ATXN7: variants seen among roughly 807,000 people sequenced by gnomAD.
ATXN7 encodes the protein ataxin 7, also known as ataxin-7.
Under a neutral mutation model 70.5 loss-of-function variants are expected in ATXN7, and 12 were observed. The ratio of observed to expected loss-of-function variants is 0.17; its 90% CI spans 0.11 to 0.28. The LOEUF is 0.28. Among genes scored for constraint, ATXN7 ranks in the 10% least tolerant of loss-of-function variants. The pLI is 1.00. For missense variants in ATXN7, 1,256 were observed against 1,131.7 expected (o/e 1.11, Z -1.58); for synonymous variants, 498 against 448.7 (o/e 1.11, Z -1.39).
chr3:63,990,821 C>T lies in ATXN7; in HGVS notation c.1644C>T (p.Asn548=). The T allele has an allele frequency of 6.2e-7, 1 of 1,614,234 alleles. No homozygotes were observed. Among genetic ancestry groups the T allele is most frequent in the Non-Finnish European group, 8.5e-7 (1 of 1,180,040 alleles). The change falls in exon 11 of 13, where the codon AAC becomes AAT. Residue 548 remains asparagine, a synonymous_variant. Coordinates refer to ENST00000674280, the MANE Select transcript of ATXN7 (RefSeq NM_001377405.1). ...GGAATCGACTTCGCTGCGCCCTCAA[C>T]CTCATGGTGGAGAAGCATCTGAATG... ...SRWNRLRCAL[N]LMVEKHLNAQ... is the part of the protein sequence containing the mutation.
At position 63,913,243 on chromosome 3, in the gene ATXN7, G is replaced by A. The variant is rs554046116; in HGVS notation, c.394+18G>A. 1.9e-6 allele frequency: 3 copies of A among 1,611,730 alleles called. No homozygotes were observed. The highest frequency in any genetic ancestry group is 1.1e-5 in the South Asian group (1 of 90,998). ...TCGGGAAGGTGAGTCCAGCCCCCCT[G>A]ATGGAGTTTGTACAAACCCCTGGGA... On this transcript the variant is annotated intron_variant, in intron 4 of 12. Transcript: ENST00000674280.
At chr3:63,914,215 A>T (rs868816045) in intron 4 of ATXN7, among the ~76,000 whole-genome samples, 1 of 152,320 alleles carries the variant, frequency 6.6e-6, no homozygotes, top group Middle Eastern at 3.4e-3. Flanking sequence ...GAACATTTTT[A>T]AGTCCAAAGT....
intron 1 of ATXN7, chr3:63,867,054 GC>G (rs1282576833): frequency 1.3e-5 from 2 of 151,748 alleles, no homozygotes; most frequent in African/African-American, 4.8e-5. Context: ...TTATGAGAGA[GC>G]TAGCTATATA....
Position 63,996,077 on chromosome 3 carries a change from C to T in ATXN7, c.2255C>T (p.Ser752Phe). The change falls in exon 12 of 13, where the codon TCT becomes TTT. Residue 752 changes from serine (S) to phenylalanine (F), a missense_variant. Ser to Phe is a radical substitution (Grantham distance 155, BLOSUM62 -2). Coordinates refer to ENST00000674280, the MANE Select transcript of ATXN7 (RefSeq NM_001377405.1). The part of the protein sequence containing the change: ...SGPPYPSTVT[S>F]SHSIGLNCVT... ...CCTCCCTACCCCTCAACGGTAACAT[C>T]TTCCCATAGCATCGGCCTCAACTGT... 6.2e-7 allele frequency: 1 copy of T among 1,614,238 alleles called. No homozygotes were observed. The highest frequency in any genetic ancestry group is 8.5e-7 in the Non-Finnish European group (1 of 1,180,050).
At chr3:63,921,783 G>A (rs1704520896) in intron 4 of ATXN7, among the ~76,000 whole-genome samples, 2 of 152,230 alleles carry the variant, frequency 1.3e-5, no homozygotes, top group East Asian at 1.9e-4. Flanking sequence ...ACTTGACTCA[G>A]GTATAAAATG....
intron 1 of ATXN7, among the ~76,000 whole-genome samples, chr3:63,884,245 TCTCA>T (rs1703009623): frequency 1.5e-5 from 2 of 134,688 alleles, no homozygotes; most frequent in Non-Finnish European, 3.2e-5. Flanking sequence ...ACACACATAC[TCTCA>T]CACACACACA....
intron 5 of ATXN7, among the ~76,000 whole-genome samples, chr3:63,954,720 T>G (rs998551297): frequency 6.7e-6 from 1 of 149,250 alleles, no homozygotes; most frequent in East Asian, 1.9e-4. Context: ...TGTTTTTTTT[T>G]TTTTTTGAGA....
At position 63,915,994 on chromosome 3, in the gene ATXN7, C is replaced by T. The variant is rs560148902; in HGVS notation, c.394+2769C>T. Among the ~76,000 whole-genome samples, 185 of 152,254 alleles carry T rather than the reference C, an allele frequency of 1.2e-3. 1 individual carries two copies. Among genetic ancestry groups the T allele is most frequent in the Middle Eastern group, 0.01 (3 of 294 alleles). ...GAACCACCACCCCCGCCAGAAACTC[C>T]TCATCTTGAAATATCTCTAGGAATA... On this transcript the variant is annotated intron_variant, in intron 4 of 12. Coordinates refer to ENST00000674280, the MANE Select transcript of ATXN7 (RefSeq NM_001377405.1).
At chr3:63,909,328 G>C (rs982943541) in intron 2 of ATXN7, among the ~76,000 whole-genome samples, 3 of 152,188 alleles carry the variant, frequency 2.0e-5, no homozygotes, top group Admixed American at 6.5e-5. Flanking sequence ...CACTTTTGGA[G>C]GCCAAGGCAG....
chr3:63,923,183 C>T (rs555834587), intron 4 of ATXN7, among the ~76,000 whole-genome samples: 1 of 152,168 alleles, frequency 6.6e-6, no homozygotes, highest in African/African-American at 2.4e-5. Flanking sequence ...TTCTCTGGGC[C>T]TCATGCTAGG....
At chr3:63,956,580 T>C (rs2075042399) in intron 5 of ATXN7, among the ~76,000 whole-genome samples, 1 of 152,106 alleles carries the variant, frequency 6.6e-6, no homozygotes, top group African/African-American at 2.4e-5. Flanking sequence ...CTCCAGATGC[T>C]CTGAGTGGGA....
intron 4 of ATXN7, among the ~76,000 whole-genome samples, chr3:63,923,899 T>C (rs1374033000): frequency 6.6e-6 from 1 of 152,080 alleles, no homozygotes; most frequent in Non-Finnish European, 1.5e-5. Context: ...GGTTAGACTG[T>C]AGAGGCCAAG....
rs2075824300 is a variant in ATXN7, at chr3:64,000,704, G to C, written c.*1237G>C. ...GACCTGAAGGTCTTTTGTGATGCAT[G>C]TATAGGATTGCCCTGACACACACCC... is the stretch of plus-strand genomic sequence containing the variant. On this transcript the variant is annotated 3_prime_UTR_variant, in exon 13 of 13. Transcript: ENST00000674280. 6.6e-6 allele frequency: 1 copy of C among 152,174 alleles called. No individual in the cohort carries two copies. The highest frequency in any genetic ancestry group is 1.5e-5 in the Non-Finnish European group (1 of 68,070). 9.4% of individuals were successfully genotyped at this position (152,174 alleles called of 1,614,324 possible).
At chr3:63,999,316 C>A (rs1208343513) in intron 12 of ATXN7, 134 bp from the exon 13 acceptor site, 5 of 709,280 alleles carry the variant, frequency 7.0e-6, no homozygotes, top group Non-Finnish European at 1.2e-5. Flanking sequence ...GCTGACTGTT[C>A]CTGGTGTCAC....
At chr3:63,953,987 C>G (rs944427393) in intron 5 of ATXN7, among the ~76,000 whole-genome samples, 2 of 152,080 alleles carry the variant, frequency 1.3e-5, no homozygotes, top group African/African-American at 2.4e-5. Flanking sequence ...TCTTGGCTGT[C>G]GAGACTGCTG....
chr3:63,882,063 AC>A (rs1470669177), intron 1 of ATXN7, among the ~76,000 whole-genome samples: 1 of 152,202 alleles, frequency 6.6e-6, no homozygotes, highest in Non-Finnish European at 1.5e-5. Flanking sequence ...ATTCTGCTGC[AC>A]CCAGTGTGAC....
intron 4 of ATXN7, among the ~76,000 whole-genome samples, chr3:63,939,778 T>C (rs2074723773): frequency 6.6e-6 from 1 of 152,058 alleles, no homozygotes; most frequent in African/African-American, 2.4e-5. Flanking sequence ...ACAACTAGGG[T>C]AGCCGTGAAA....
At chr3:63,938,256 T>C (rs534452506) in intron 4 of ATXN7, among the ~76,000 whole-genome samples, 2 of 152,352 alleles carry the variant, frequency 1.3e-5, no homozygotes, top group East Asian at 3.9e-4. Flanking sequence ...GAATGCATGA[T>C]ACTTTCTTGT....
At chr3:63,913,018 C>A in intron 3 of ATXN7, 95 bp downstream of exon 3, 1 of 1,410,642 alleles carries the variant, frequency 7.1e-7, no homozygotes, top group Non-Finnish European at 9.8e-7. Flanking sequence ...CCCGCCCCCT[C>A]GAGGGGCAGA....
Sources: gnomAD v4.1 joint callset for allele counts (sites outside exome capture counted in the v4.1 genomes callset) on GRCh38, gnomAD v4.1.1 for gene constraint, MANE v1.5 for transcripts, NCBI Gene and HGNC (gene_info 2026-07-23, HGNC 2026-07-21) for gene names.